The following CFAP299 variants were observed in gnomAD, a reference collection of about 807,000 sequenced individuals.
CFAP299 encodes cilia and flagella associated protein 299, also known as cilia- and flagella-associated protein 299.
A neutral mutation model predicts 27.0 loss-of-function variants in CFAP299; 21 were observed. The observed-to-expected ratio is 0.78, with a 90% CI of 0.55 to 1.12. The LOEUF (loss-of-function observed/expected upper bound fraction) is 1.12, where lower values mean the gene tolerates loss of function less well. Among genes scored for constraint, CFAP299 ranks in the 50% most tolerant of loss-of-function variants. The probability of loss-of-function intolerance (pLI) is 0.00; values close to 1 mark genes in which losing one functional copy is unlikely to be tolerated. For missense variants in CFAP299, 310 were observed against 276.6 expected, an observed-to-expected ratio of 1.12 and a Z score of -0.86; for synonymous variants, 104 against 98.1, an observed-to-expected ratio of 1.06 and a Z score of -0.36.
At chr4:80,349,010 T>C (rs1382265406) in intron 1 of CFAP299, among the ~76,000 whole-genome samples, 1 of 152,188 alleles carries the variant, frequency 6.6e-6, no homozygotes, top group Admixed American at 6.6e-5. Flanking sequence ...TGTCTGGTCC[T>C]GGAGCCTGAA....
chr4:80,870,834 C>A (rs1733042006), intron 4 of CFAP299: 2 of 984,948 alleles, frequency 2.0e-6, no homozygotes, highest in Admixed American at 1.2e-4. Flanking sequence ...ATACCTACCT[C>A]CTCTGAGATG....
intron 2 of CFAP299, among the ~76,000 whole-genome samples, chr4:80,571,198 A>G (rs1240806829): frequency 1.3e-5 from 2 of 152,110 alleles, no homozygotes; most frequent in Admixed American, 1.3e-4. Flanking sequence ...GCTTCTATCT[A>G]AAGTATTGTT....
At chr4:80,616,834 C>A (rs1738314776) in intron 3 of CFAP299, among the ~76,000 whole-genome samples, 1 of 151,958 alleles carries the variant, frequency 6.6e-6, no homozygotes, top group Admixed American at 6.6e-5. Context: ...TGCATATGTA[C>A]ACATACATAT....
chr4:80,823,126 C>T (rs1179413671), intron 3 of CFAP299, among the ~76,000 whole-genome samples: 1 of 152,134 alleles, frequency 6.6e-6, no homozygotes, highest in Non-Finnish European at 1.5e-5. Context: ...CTTAGCACCT[C>T]CTATCTTGCC....
At chr4:80,898,993 T>C (rs1015925394) in intron 4 of CFAP299, among the ~76,000 whole-genome samples, 12 of 152,208 alleles carry the variant, frequency 7.9e-5, no homozygotes, top group African/African-American at 2.9e-4. Context: ...TTATTTTAGG[T>C]AAAGATCTCT....
intron 2 of CFAP299, among the ~76,000 whole-genome samples, chr4:80,503,358 T>A (rs1731833274): frequency 6.6e-6 from 1 of 152,104 alleles, no homozygotes; most frequent in African/African-American, 2.4e-5. Context: ...CCTCCTCTAT[T>A]TTTTTACTGG....
In CFAP299 at chr4:80,351,859, T is replaced by C. The variant is rs115518930; in HGVS notation, c.112-10895T>C. ...AATCTATTAATGTTAATACATTAAA[T>C]TGTTTTATAATTAATGATTTATTAA... On this transcript the variant is annotated intron_variant, in intron 1 of 5. Transcript: ENST00000358105. Among the ~76,000 whole-genome samples the C allele has an allele frequency of 6.2e-3, 937 of 150,330 alleles. 5 individuals are homozygous for C. Among genetic ancestry groups the C allele is most frequent in the African/African-American group, 0.022 (907 of 41,242 alleles).
intron 3 of CFAP299, among the ~76,000 whole-genome samples, chr4:80,619,700 G>A (rs1043771747): frequency 5.3e-5 from 8 of 152,024 alleles, no homozygotes; most frequent in Admixed American, 3.9e-4. Flanking sequence ...CAACTCTCTT[G>A]TGATTTCCAG....
intron 3 of CFAP299, among the ~76,000 whole-genome samples, chr4:80,855,775 A>C (rs897249547): frequency 6.6e-6 from 1 of 152,176 alleles, no homozygotes; most frequent in African/African-American, 2.4e-5. Flanking sequence ...CACGGTGTAT[A>C]TGTGCCACAT....
chr4:80,887,944 C>T (rs1483944578), intron 4 of CFAP299, among the ~76,000 whole-genome samples: 1 of 151,850 alleles, frequency 6.6e-6, no homozygotes, highest in Non-Finnish European at 1.5e-5. Flanking sequence ...ATGCTAGCCT[C>T]ATGGTAACCT....
chr4:80,673,842 CT>C (rs201682901), intron 3 of CFAP299, among the ~76,000 whole-genome samples: 7,977 of 128,594 alleles, frequency 0.062, 417 homozygotes, highest in African/African-American at 0.18. Context: ...CAAACTCTGC[CT>C]TTTTTTTTTT....
chr4:80,583,883 A>C (rs1736297831), intron 3 of CFAP299, among the ~76,000 whole-genome samples: 1 of 151,994 alleles, frequency 6.6e-6, no homozygotes, highest in Non-Finnish European at 1.5e-5. Flanking sequence ...AATCAGAAAT[A>C]GTGTGATAAA....
chr4:80,945,988 T>C (rs1737451235), intron 5 of CFAP299, among the ~76,000 whole-genome samples: 1 of 151,118 alleles, frequency 6.6e-6, no homozygotes. Flanking sequence ...ACCCCATCTG[T>C]ACTAAAAATA....
chr4:80,937,265 T>A (rs536709446), intron 4 of CFAP299, among the ~76,000 whole-genome samples: 3 of 151,152 alleles, frequency 2.0e-5, no homozygotes, highest in Admixed American at 2.0e-4. Flanking sequence ...TCTTTTTTGG[T>A]TATCATTGCA....
chr4:80,493,759 C>CTTT lies in CFAP299; in HGVS notation c.243-89309_243-89307dup, dbSNP rs1177389983. 3.4e-4 allele frequency among the ~76,000 whole-genome samples: 26 copies of CTTT among 76,766 alleles called. 2 individuals carry two copies. Among genetic ancestry groups the CTTT allele is most frequent in the East Asian group, 1.4e-3 (3 of 2,218 alleles). The allele number at this position is 76,766 out of a possible 152,430, so 50.4% of individuals were successfully genotyped here. A position where few individuals can be genotyped will look rare whatever the true frequency, so the allele number is the denominator to read the frequency against. ...ATCTGTCTCTTTTCTATCTCATATT[C>CTTT]TTTTTTTTTTTTTTTTTTTTTTTTT... On this transcript the variant is annotated intron_variant, in intron 2 of 5. Transcript: ENST00000358105.
At chr4:80,667,197 ATTTTATC>A (rs989006699) in intron 3 of CFAP299, among the ~76,000 whole-genome samples, 22 of 151,966 alleles carry the variant, frequency 1.4e-4, no homozygotes, top group African/African-American at 5.3e-4. Flanking sequence ...TCTCTTTTCA[ATTTTATC>A]TTTTATTGAT....
chr4:80,386,782 G>T, intron 2 of CFAP299: 1 of 1,228,864 alleles, frequency 8.1e-7, no homozygotes, highest in Non-Finnish European at 1.2e-6. Context: ...ACAACTTACC[G>T]CAGCTTGTGT....
chr4:80,346,369 T>C (rs1385416621), intron 1 of CFAP299, among the ~76,000 whole-genome samples: 3 of 152,242 alleles, frequency 2.0e-5, no homozygotes, highest in Non-Finnish European at 4.4e-5. Flanking sequence ...TCTTGAATGG[T>C]ATTGACTAGG....
intron 2 of CFAP299, among the ~76,000 whole-genome samples, chr4:80,522,676 A>G (rs959653310): frequency 6.6e-6 from 1 of 152,096 alleles, no homozygotes; most frequent in African/African-American, 2.4e-5. Flanking sequence ...TTTTTTGTGT[A>G]TGATGTAAAA....
Sources: allele counts gnomAD v4.1 joint callset (sites outside exome capture counted in the v4.1 genomes callset), GRCh38; gene constraint gnomAD v4.1.1; transcripts MANE v1.5; gene names NCBI Gene and HGNC (gene_info 2026-07-23, HGNC 2026-07-21).